The following NRDE2 variants were observed in gnomAD, a reference collection of about 807,000 sequenced individuals.
NRDE2 encodes the protein NRDE-2, necessary for RNA interference, domain containing, also known as nuclear exosome regulator NRDE2.
In NRDE2, 76 loss-of-function variants were observed where a neutral mutation model predicts 124.2. The observed-to-expected ratio is 0.61, with a 90% CI of 0.51 to 0.74. The LOEUF is 0.74. Among genes scored for constraint, NRDE2 ranks in the 30% least tolerant of loss-of-function variants. The pLI is 0.00. For missense variants in NRDE2, 1,314 were observed against 1,417.3 expected (o/e 0.93, Z 1.17); for synonymous variants, 489 against 528.1 (o/e 0.93, Z 1.01).
intron 7 of NRDE2, among the ~76,000 whole-genome samples, chr14:90,299,904 C>A (rs1398872128): frequency 2.0e-5 from 3 of 152,206 alleles, no homozygotes; most frequent in African/African-American, 7.2e-5. Context: ...TGTGTTAAAT[C>A]ACGCTACTGT....
Position 90,304,331 on chromosome 14 carries a change from G to A in NRDE2, c.609C>T (p.Cys203=). The A allele has an allele frequency of 6.2e-7, 1 of 1,614,022 alleles. No individual in the cohort carries two copies. The highest frequency in any genetic ancestry group is 8.5e-7 in the Non-Finnish European group (1 of 1,179,988). Reference sequence around the variant, plus strand: ...CTGTGGAAGTCCCTTCCCAAGATATGCACTGCTTCTTAGGGTTAATGCCAA... The same window carrying A: ...CTGTGGAAGTCCCTTCCCAAGATATACACTGCTTCTTAGGGTTAATGCCAA... ...SCLGINPKKQ[C]ISWEGTSTEK... is the part of the protein sequence containing the mutation. The change falls in exon 5 of 14, where the codon TGC becomes TGT. Residue 203 remains cysteine, a synonymous_variant. Coordinates refer to ENST00000354366, the MANE Select transcript of NRDE2 (RefSeq NM_017970.4).
At chr14:90,312,299 A>T in intron 4 of NRDE2, 95 bp downstream of exon 4, 1 of 1,177,500 alleles carries the variant, frequency 8.5e-7, no homozygotes, top group South Asian at 1.4e-5. Flanking sequence ...AACTGATGAA[A>T]GAGAGAAACA....
At chr14:90,279,028 G>A in intron 13 of NRDE2, 34 bp downstream of exon 13, 1 of 1,525,890 alleles carries the variant, frequency 6.6e-7, no homozygotes, top group Admixed American at 1.7e-5. Flanking sequence ...GAAGTTTTCG[G>A]GAAGCTGAAG....
chr14:90,322,525 G>T (rs1433673784), intron 1 of NRDE2, among the ~76,000 whole-genome samples: 2 of 151,592 alleles, frequency 1.3e-5, no homozygotes, highest in Non-Finnish European at 2.9e-5. Flanking sequence ...ATGAACTGAA[G>T]AAATTAGAAA....
chr14:90,313,482 C>T (rs1884928051), intron 3 of NRDE2, among the ~76,000 whole-genome samples: 1 of 152,020 alleles, frequency 6.6e-6, no homozygotes, highest in Non-Finnish European at 1.5e-5. Context: ...TACATCTGGA[C>T]CTCGTAAATA....
chr14:90,321,549 T>TAAAA (rs1012195271), intron 1 of NRDE2, among the ~76,000 whole-genome samples: 1 of 108,808 alleles, frequency 9.2e-6, no homozygotes. Flanking sequence ...CCAGCTCTAT[T>TAAAA]AAAAAAAAAA....
At chr14:90,312,724 A>C (rs1884891765) in intron 3 of NRDE2, among the ~76,000 whole-genome samples, 181 bp from the exon 4 acceptor site, 1 of 152,216 alleles carries the variant, frequency 6.6e-6, no homozygotes, top group Non-Finnish European at 1.5e-5. Flanking sequence ...CTCTGGGCAA[A>C]GAGTTTTAAA....
rs1264267193 is a variant in NRDE2 at position 90,316,576 on chromosome 14, A to C, written c.407+2T>G. 1.2e-6 allele frequency: 2 copies of C among 1,602,576 alleles called. No individual in the cohort carries two copies. Among genetic ancestry groups the C allele is most frequent in the Admixed American group, 3.4e-5 (2 of 58,242 alleles). ...CATAGGTGCTTGAGAACAGCAACCTACTTCGGTTCCTCAGATTCCTTTTTA... is the reference window on the plus strand; with the variant it reads ...CATAGGTGCTTGAGAACAGCAACCTCCTTCGGTTCCTCAGATTCCTTTTTA... On this transcript the variant is annotated splice_donor_variant, in intron 3 of 13. Transcript: ENST00000354366. LOFTEE classifies it high-confidence loss of function.
intron 4 of NRDE2, among the ~76,000 whole-genome samples, chr14:90,311,097 G>A (rs1884820212): frequency 6.6e-6 from 1 of 152,122 alleles, no homozygotes; most frequent in Admixed American, 6.6e-5. Context: ...AAAATTTGGA[G>A]ATACAGCAAA....
At chr14:90,315,330 C>T (rs1446494717) in intron 3 of NRDE2, among the ~76,000 whole-genome samples, 1 of 151,736 alleles carries the variant, frequency 6.6e-6, no homozygotes, top group Admixed American at 6.6e-5. Context: ...AAGATCGTAC[C>T]ACTGCACTCC....
At chr14:90,331,692 T>C in intron 1 of NRDE2, 149 bp downstream of exon 1, 1 of 848,404 alleles carries the variant, frequency 1.2e-6, no homozygotes. Context: ...CTCGGAGGGA[T>C]TGAGCCTTTC....
At chr14:90,300,226 T>G (rs1232161197) in intron 7 of NRDE2, among the ~76,000 whole-genome samples, 2 of 152,218 alleles carry the variant, frequency 1.3e-5, no homozygotes, top group African/African-American at 4.8e-5. Flanking sequence ...TGAGAATCAC[T>G]TCTGTAGTAC....
chr14:90,281,101 G>C (rs754070001), intron 12 of NRDE2: 14 of 152,308 alleles, frequency 9.2e-5, no homozygotes, highest in Non-Finnish European at 1.3e-4. Context: ...CCCAGGAACC[G>C]AATCTCATAC....
Position 90,275,396 on chromosome 14 carries a change from C to T in NRDE2, c.*2940G>A, listed in dbSNP as rs1891782178. ...CTTTGTAACGCACTTGCATCTTTTC[C>T]TAAGTTTGAGATTAAAAAAAACAAA... On this transcript the variant is annotated 3_prime_UTR_variant, in exon 14 of 14. Transcript: ENST00000354366. 1 of 152,124 alleles carries T rather than the reference C, an allele frequency of 6.6e-6. No individual in the cohort carries two copies. The highest frequency in any genetic ancestry group is 6.6e-5 in the Admixed American group (1 of 15,266). 9.4% of individuals were successfully genotyped at this position (152,124 alleles called of 1,614,324 possible). A position where few individuals can be genotyped will look rare whatever the true frequency, so the allele number is the denominator to read the frequency against.
rs147532836 is a variant in NRDE2, at chr14:90,323,159, G to C, written c.65-5046C>G. Among the ~76,000 whole-genome samples, 1,118 of 152,222 alleles carry C rather than the reference G, an allele frequency of 7.3e-3. 9 individuals carry two copies. The highest frequency in any genetic ancestry group is 0.025 in the African/African-American group (1,054 of 41,554). On this transcript the variant is annotated intron_variant, in intron 1 of 13. Coordinates refer to ENST00000354366, the MANE Select transcript of NRDE2 (RefSeq NM_017970.4). The stretch of plus-strand genomic sequence containing the variant: ...GCCTAACAAAAATAGGCAGGTGTCT[G>C]GTAGAAATGTAGCATGTATAAATTT...
rs1172924703 is a variant in NRDE2, at chr14:90,269,683, A to C, written c.*8653T>G. On this transcript the variant is annotated 3_prime_UTR_variant, in exon 14 of 14. Coordinates refer to ENST00000354366, the MANE Select transcript of NRDE2 (RefSeq NM_017970.4). ...GAAACTTAGGATAATTTACAAAAAAATAGGTCCTCTTGAGATGAGGGTTAA... is the reference window on the plus strand; with the variant it reads ...GAAACTTAGGATAATTTACAAAAAACTAGGTCCTCTTGAGATGAGGGTTAA... The C allele has an allele frequency of 1.0e-6, 1 of 979,826 alleles. No individual in the cohort carries two copies. The highest frequency in any genetic ancestry group is 1.5e-6 in the Non-Finnish European group (1 of 668,896). 60.7% of individuals were successfully genotyped at this position (979,826 alleles called of 1,614,324 possible).
At position 90,269,620 on chromosome 14, in the gene NRDE2, G is replaced by T. The variant is rs1393231861; in HGVS notation, c.*8716C>A. The T allele has an allele frequency of 1.3e-6, 2 of 1,514,346 alleles. No homozygotes were observed. Among genetic ancestry groups the T allele is most frequent in the African/African-American group, 2.8e-5 (2 of 71,608 alleles). 93.8% of individuals were successfully genotyped at this position (1,514,346 alleles called of 1,614,324 possible). On this transcript the variant is annotated 3_prime_UTR_variant, in exon 14 of 14. Transcript: ENST00000354366. ...TTTGTGTTTAAGTGTGCTTTGGGAG[G>T]CCTATAAAATGATACATAAAAAAGC... is the stretch of plus-strand genomic sequence containing the variant.
At chr14:90,300,160 G>A (rs1188256980) in intron 7 of NRDE2, among the ~76,000 whole-genome samples, 1 of 152,200 alleles carries the variant, frequency 6.6e-6, no homozygotes, top group Non-Finnish European at 1.5e-5. Flanking sequence ...GAAAGGGGCA[G>A]GGGGAGGGGG....
chr14:90,317,939 C>A, intron 2 of NRDE2, 66 bp downstream of exon 2: 1 of 1,139,166 alleles, frequency 8.8e-7, no homozygotes, highest in Non-Finnish European at 1.3e-6. Context: ...TAAGGAGCTT[C>A]ATTTCAGCTA....
Sources: allele counts gnomAD v4.1 joint callset (sites outside exome capture counted in the v4.1 genomes callset), GRCh38; gene constraint gnomAD v4.1.1; transcripts MANE v1.5; gene names NCBI Gene and HGNC (gene_info 2026-07-23, HGNC 2026-07-21).